Variants in MDGA2 observed in about 807,000 individuals in gnomAD.
MDGA2 encodes MAM domain containing glycosylphosphatidylinositol anchor 2.
A neutral mutation model predicts 117.8 loss-of-function variants in MDGA2; 40 were observed. The ratio of observed to expected loss-of-function variants is 0.34; its 90% CI spans 0.26 to 0.44. MDGA2 has a LOEUF of 0.44. Ranked by LOEUF, MDGA2 falls within the 20% of genes least tolerant of loss-of-function variation. The pLI, the probability that MDGA2 is intolerant of heterozygous loss-of-function variation, is 1.00. For missense variants in MDGA2, 1,123 were observed against 1,250.6 expected (o/e 0.90, Z 1.54); for synonymous variants, 452 against 439.0 (o/e 1.03, Z -0.37).
At chr14:47,396,812 G>A (rs186971819) in intron 1 of MDGA2, among the ~76,000 whole-genome samples, 180 of 152,182 alleles carry the variant, frequency 1.2e-3, no homozygotes, top group Middle Eastern at 3.4e-3. Flanking sequence ...TTAGAATGGC[G>A]ATCCTTAAAA....
At chr14:47,480,990 G>A (rs1893942913) in intron 1 of MDGA2, among the ~76,000 whole-genome samples, 1 of 151,846 alleles carries the variant, frequency 6.6e-6, no homozygotes, top group South Asian at 2.1e-4. Context: ...GGATAAAGAA[G>A]GGGCAAAAAA....
At chr14:47,084,580 T>G (rs1890828712) in intron 6 of MDGA2, among the ~76,000 whole-genome samples, 1 of 152,168 alleles carries the variant, frequency 6.6e-6, no homozygotes, top group African/African-American at 2.4e-5. Flanking sequence ...TGCATGTGTT[T>G]TCCCAACATT....
At chr14:47,392,397 T>C (rs1449879686) in intron 1 of MDGA2, among the ~76,000 whole-genome samples, 1 of 152,112 alleles carries the variant, frequency 6.6e-6, no homozygotes. Context: ...ATAAAAATGT[T>C]TGACCCACAT....
At chr14:47,371,076 T>C (rs192776075) in intron 1 of MDGA2, among the ~76,000 whole-genome samples, 216 of 151,972 alleles carry the variant, frequency 1.4e-3, no homozygotes, top group Middle Eastern at 6.8e-3. Flanking sequence ...TATAAGATAA[T>C]AATAATTTTA....
At chr14:47,657,338 C>A (rs1470369839) in intron 1 of MDGA2, among the ~76,000 whole-genome samples, 1 of 152,118 alleles carries the variant, frequency 6.6e-6, no homozygotes, top group African/African-American at 2.4e-5. Context: ...TATTAGTCAG[C>A]TTGCCATCAG....
chr14:47,409,118 A>G (rs1892320270), intron 1 of MDGA2, among the ~76,000 whole-genome samples: 1 of 152,146 alleles, frequency 6.6e-6, no homozygotes, highest in African/African-American at 2.4e-5. Context: ...AACTTTTACT[A>G]TGAGTGAAAT....
chr14:47,510,867 C>G (rs1894624587), intron 1 of MDGA2, among the ~76,000 whole-genome samples: 1 of 152,158 alleles, frequency 6.6e-6, no homozygotes, highest in African/African-American at 2.4e-5. Flanking sequence ...ATTTACTCAG[C>G]CCAGAATGGG....
intron 1 of MDGA2, among the ~76,000 whole-genome samples, chr14:47,570,649 A>G (rs922386088): frequency 6.6e-6 from 1 of 152,208 alleles, no homozygotes; most frequent in African/African-American, 2.4e-5. Context: ...GAAACAAGCA[A>G]TGGGGAAAGG....
chr14:47,449,606 T>C (rs1273086964), intron 1 of MDGA2, among the ~76,000 whole-genome samples: 2 of 152,128 alleles, frequency 1.3e-5, no homozygotes, highest in African/African-American at 4.8e-5. Flanking sequence ...ATTAAAACTA[T>C]AGCTAGAGAG....
At chr14:47,547,674 C>T (rs1037396225) in intron 1 of MDGA2, among the ~76,000 whole-genome samples, 4 of 152,140 alleles carry the variant, frequency 2.6e-5, no homozygotes, top group African/African-American at 9.7e-5. Flanking sequence ...AAACTTCTTT[C>T]AAAGCCTAAA....
chr14:47,116,520 G>A (rs1292859176), intron 5 of MDGA2, among the ~76,000 whole-genome samples: 3 of 152,068 alleles, frequency 2.0e-5, no homozygotes, highest in African/African-American at 4.8e-5. Flanking sequence ...GTATTGCAAA[G>A]CTATAGTAAT....
chr14:47,477,468 A>G (rs558106841), intron 1 of MDGA2, among the ~76,000 whole-genome samples: 1 of 152,304 alleles, frequency 6.6e-6, no homozygotes, highest in East Asian at 1.9e-4. Context: ...TCTCAACCAG[A>G]GTCCATACGC....
intron 1 of MDGA2, among the ~76,000 whole-genome samples, chr14:47,490,995 G>T (rs1005166460): frequency 2.6e-4 from 39 of 152,080 alleles, no homozygotes; most frequent in Non-Finnish European, 5.0e-4. Context: ...GTCTGTTGAA[G>T]AACTGGAAGA....
At chr14:47,056,943 T>C (rs907014142) in intron 7 of MDGA2, among the ~76,000 whole-genome samples, 1 of 152,106 alleles carries the variant, frequency 6.6e-6, no homozygotes, top group Non-Finnish European at 1.5e-5. Context: ...AATTATAGCA[T>C]ATAGTATATT....
chr14:47,195,578 C>T (rs1443432687), intron 3 of MDGA2, among the ~76,000 whole-genome samples: 1 of 151,892 alleles, frequency 6.6e-6, no homozygotes, highest in Non-Finnish European at 1.5e-5. Context: ...CAAGAAATAA[C>T]CTGGTGATTT....
chr14:47,182,981 T>A (rs1343631538), intron 3 of MDGA2, among the ~76,000 whole-genome samples: 1 of 152,202 alleles, frequency 6.6e-6, no homozygotes, highest in Non-Finnish European at 1.5e-5. Flanking sequence ...ATGTTGATGA[T>A]AATGTCTAAT....
rs866164053 is a variant in MDGA2, at chr14:47,241,729, A to G, written c.421-23534T>C. ...CCTGCATTCCATAATGTTTCATTGT[A>G]TCATAAAACCCTAGCACATATTTTA... On this transcript the variant is annotated intron_variant, in intron 2 of 16. Coordinates refer to ENST00000399232, the MANE Select transcript of MDGA2 (RefSeq NM_001113498.3). Among the ~76,000 whole-genome samples, 27 of 152,018 alleles carry G rather than the reference A, an allele frequency of 1.8e-4. 1 individual carries two copies. The highest frequency in any genetic ancestry group is 4.3e-4 in the African/African-American group (18 of 41,530).
chr14:47,407,101 G>T (rs925899053), intron 1 of MDGA2, among the ~76,000 whole-genome samples: 1 of 151,930 alleles, frequency 6.6e-6, no homozygotes, highest in African/African-American at 2.4e-5. Flanking sequence ...CAATGAATAG[G>T]TGTGCATATT....
At chr14:47,010,154 T>C (rs1390796917) in intron 8 of MDGA2, among the ~76,000 whole-genome samples, 1 of 152,088 alleles carries the variant, frequency 6.6e-6, no homozygotes, top group Admixed American at 6.6e-5. Flanking sequence ...TGTATATTTC[T>C]GACTTCCTGG....
Sources: allele counts gnomAD v4.1 joint callset (sites outside exome capture counted in the v4.1 genomes callset), GRCh38; gene constraint gnomAD v4.1.1; transcripts MANE v1.5; gene names NCBI Gene and HGNC (gene_info 2026-07-23, HGNC 2026-07-21).